The following HEPH variants were observed in gnomAD, a reference collection of about 807,000 sequenced individuals.
HEPH encodes hephaestin.
A neutral mutation model predicts 80.8 loss-of-function variants in HEPH; 69 were observed. That is an observed-to-expected ratio of 0.85 (90% CI 0.70 to 1.04). The LOEUF (loss-of-function observed/expected upper bound fraction) is 1.04, where lower values mean the gene tolerates loss of function less well. Among genes scored for constraint, HEPH ranks in the 50% least tolerant of loss-of-function variants. The pLI is 0.00. For missense variants in HEPH, 1,115 were observed against 891.3 expected, an observed-to-expected ratio of 1.25 and a Z score of -3.20; for synonymous variants, 431 against 322.8, an observed-to-expected ratio of 1.34 and a Z score of -3.60.
chrX:66,180,485 C>A (rs1333196726), intron 4 of HEPH, among the ~76,000 whole-genome samples: 2 of 111,231 alleles, frequency 1.8e-5, no homozygotes, highest in African/African-American at 3.3e-5. Context: ...TGCTGTTTAT[C>A]TGATAGGTTT....
In HEPH at chrX:66,256,041, G is replaced by A. The variant is rs1193750500; in HGVS notation, c.2671-64G>A. 6.9e-6 allele frequency: 6 copies of A among 866,228 alleles called. No individual in the cohort carries two copies. In the Admixed American group the frequency reaches 8.4e-5, roughly 12 times the overall value. 71.4% of individuals were successfully genotyped at this position (866,228 alleles called of 1,213,427 possible). ...CTTGTATGAGAAGCTGGCTCCCTGC[G>A]GAGTACTGCTACCCAGAAACAACTC... On this transcript the variant is annotated intron_variant, in intron 16 of 20. Coordinates refer to ENST00000343002, the MANE Select transcript of HEPH (RefSeq NM_001367233.3).
At chrX:66,201,249 G>T (rs751659539) in intron 12 of HEPH, among the ~76,000 whole-genome samples, 1 of 110,566 alleles carries the variant, frequency 9.0e-6, no homozygotes, top group African/African-American at 3.3e-5. Flanking sequence ...GTGTGTTTGT[G>T]TGTGTGTGTG....
intron 15 of HEPH, among the ~76,000 whole-genome samples, chrX:66,247,771 T>C (rs962476798): frequency 2.7e-5 from 3 of 111,718 alleles, no homozygotes; most frequent in African/African-American, 9.7e-5. Context: ...TGGGATATTG[T>C]AGTTCGATAG....
chrX:66,233,323 C>T (rs1362374775), intron 15 of HEPH, among the ~76,000 whole-genome samples: 1 of 111,483 alleles, frequency 9.0e-6, no homozygotes, highest in African/African-American at 3.3e-5. Context: ...CTTACCAAAC[C>T]TCAAGCCTGT....
chrX:66,219,700 T>C (rs1211765811), intron 15 of HEPH, among the ~76,000 whole-genome samples: 2 of 111,867 alleles, frequency 1.8e-5, no homozygotes, highest in African/African-American at 6.5e-5. Flanking sequence ...GCTTCTCTTT[T>C]TGTGGGAAGC....
chrX:66,186,383 A>G (rs1011909190), intron 4 of HEPH, among the ~76,000 whole-genome samples: 2 of 110,749 alleles, frequency 1.8e-5, no homozygotes, highest in African/African-American at 6.6e-5. Context: ...CCTCTGAGCC[A>G]GTTGTGGGAT....
chrX:66,211,155 C>A (rs777244600), intron 15 of HEPH, among the ~76,000 whole-genome samples: 26 of 111,133 alleles, frequency 2.3e-4, no homozygotes, highest in Admixed American at 2.3e-3. Context: ...TGTAAAGTGA[C>A]AATGGCATCA....
At chrX:66,247,528 C>T (rs1418858714) in intron 15 of HEPH, among the ~76,000 whole-genome samples, 1 of 110,539 alleles carries the variant, frequency 9.0e-6, no homozygotes, top group African/African-American at 3.3e-5. Flanking sequence ...ATTTCCATAT[C>T]TTTATTTATA....
intron 11 of HEPH, 99 bp downstream of exon 11, chrX:66,199,127 G>A: frequency 1.2e-6 from 1 of 859,836 alleles, no homozygotes; most frequent in East Asian, 3.1e-5. Context: ...TGATTTTATT[G>A]GTCATCTCTG....
intron 15 of HEPH, among the ~76,000 whole-genome samples, chrX:66,247,271 T>C (rs1342359498): frequency 9.2e-6 from 1 of 109,038 alleles, no homozygotes; most frequent in African/African-American, 3.3e-5. Flanking sequence ...CCTTTCTCTC[T>C]CCTCCTTCTT....
At chrX:66,195,813 T>A (rs978495558) in intron 9 of HEPH, among the ~76,000 whole-genome samples, 1 of 112,125 alleles carries the variant, frequency 8.9e-6, no homozygotes. Flanking sequence ...GCATATATCC[T>A]AGCTTGCATT....
intron 13 of HEPH, among the ~76,000 whole-genome samples, chrX:66,204,566 A>G (rs746531715): frequency 8.9e-6 from 1 of 112,587 alleles, no homozygotes; most frequent in Non-Finnish European, 1.9e-5. Flanking sequence ...TTCTGTAAAC[A>G]GAAGCAGATA....
At chrX:66,192,913 G>C (rs2087885738) in intron 7 of HEPH, among the ~76,000 whole-genome samples, 1 of 111,392 alleles carries the variant, frequency 9.0e-6, no homozygotes, top group Non-Finnish European at 1.9e-5. Context: ...AATCGATGAT[G>C]ACAGGTCTTC....
At chrX:66,228,785 G>A (rs1355677698) in intron 15 of HEPH, among the ~76,000 whole-genome samples, 2 of 112,029 alleles carry the variant, frequency 1.8e-5, no homozygotes, top group East Asian at 5.5e-4. Context: ...ATGCTCAACA[G>A]CACTAAGGAT....
intron 15 of HEPH, among the ~76,000 whole-genome samples, chrX:66,250,599 C>T (rs1036409644): frequency 1.8e-5 from 2 of 110,991 alleles, no homozygotes; most frequent in African/African-American, 3.3e-5. Flanking sequence ...TATATATATT[C>T]TTTGATTTAC....
At chrX:66,252,717 A>G (rs1025690461) in intron 15 of HEPH, among the ~76,000 whole-genome samples, 1 of 112,365 alleles carries the variant, frequency 8.9e-6, no homozygotes, top group Non-Finnish European at 1.9e-5. Flanking sequence ...ACTACAAAGC[A>G]TAGAATTCAA....
intron 15 of HEPH, among the ~76,000 whole-genome samples, chrX:66,232,261 C>T (rs56931177): frequency 0.067 from 7,452 of 110,428 alleles, 604 homozygotes; most frequent in African/African-American, 0.23. Flanking sequence ...TGTCTCTGCC[C>T]GGCTTTGGTA....
chrX:66,219,003 C>G (rs2089522981), intron 15 of HEPH, among the ~76,000 whole-genome samples: 1 of 111,764 alleles, frequency 8.9e-6, no homozygotes, highest in African/African-American at 3.3e-5. Context: ...GAGGGGTGGT[C>G]TCCTCCCTTA....
intron 4 of HEPH, among the ~76,000 whole-genome samples, chrX:66,188,122 A>T (rs1370289244): frequency 9.0e-6 from 1 of 111,438 alleles, no homozygotes; most frequent in Non-Finnish European, 1.9e-5. Context: ...GGATGGTAGG[A>T]GGGAATTATT....
Sources: gnomAD v4.1 joint callset for allele counts (sites outside exome capture counted in the v4.1 genomes callset) on GRCh38, gnomAD v4.1.1 for gene constraint, MANE v1.5 for transcripts, NCBI Gene and HGNC (gene_info 2026-07-23, HGNC 2026-07-21) for gene names.